SCG3: variants seen among roughly 807,000 people sequenced by gnomAD.
The protein encoded by SCG3 is secretogranin-3.
Under a neutral mutation model 56.2 loss-of-function variants are expected in SCG3, and 38 were observed. The observed-to-expected ratio is 0.68, with a 90% CI of 0.52 to 0.89. The LOEUF (loss-of-function observed/expected upper bound fraction) is 0.89. Ranked by LOEUF, SCG3 falls within the 40% of genes least tolerant of loss-of-function variation. The pLI, the probability that SCG3 is intolerant of heterozygous loss-of-function variation, is 0.00. For synonymous variants in SCG3, 176 were observed against 184.2 expected (o/e 0.96, Z 0.36); for missense variants, 524 against 540.7 (o/e 0.97, Z 0.31).
At chr15:51,703,271 G>A (rs377699435) in intron 10 of SCG3, among the ~76,000 whole-genome samples, 1 of 152,144 alleles carries the variant, frequency 6.6e-6, no homozygotes, top group East Asian at 1.9e-4. Flanking sequence ...ATAGAAGCAG[G>A]TTCCTATTCA....
At chr15:51,683,523 A>G (rs2055209367) in intron 4 of SCG3, 89 bp downstream of exon 4, 1 of 834,510 alleles carries the variant, frequency 1.2e-6, no homozygotes, top group Non-Finnish European at 1.8e-6. Context: ...TATCTTTTAA[A>G]CATTCATAAT....
At chr15:51,717,006 A>G (rs1329563914) in intron 11 of SCG3, among the ~76,000 whole-genome samples, 1 of 152,006 alleles carries the variant, frequency 6.6e-6, no homozygotes, top group Non-Finnish European at 1.5e-5. Flanking sequence ...TGGGAGGATC[A>G]CTTGAGGCCA....
At chr15:51,713,119 G>T in intron 10 of SCG3, 1 of 356,222 alleles carries the variant, frequency 2.8e-6, no homozygotes, top group Admixed American at 5.3e-5. Context: ...TCTTCCTCCT[G>T]GAACCTCATC....
rs766535168 is a variant in SCG3, at chr15:51,683,132, G to T, written c.181+8G>T. On this transcript the variant is annotated splice_region_variant and intron_variant, in intron 3 of 11. Transcript: ENST00000220478. The stretch of plus-strand genomic sequence containing the variant: ...AAAAAACATATCCTCCAGGTAAAAA[G>T]AAATCATATTGATGTTAATTTAAAT... The T allele has an allele frequency of 1.2e-6, 2 of 1,607,220 alleles. No individual in the cohort carries two copies. The highest frequency in any genetic ancestry group is 3.3e-4 in the Middle Eastern group (2 of 6,024).
intron 10 of SCG3, among the ~76,000 whole-genome samples, chr15:51,704,797 A>ATATATATATATATC (rs1226001289): frequency 7.2e-6 from 1 of 139,372 alleles, no homozygotes; most frequent in Non-Finnish European, 1.6e-5. Context: ...ATATATATAC[A>ATATATATATATATC]TCTCTCTTTG....
chr15:51,713,469 G>A (rs2055433954), intron 11 of SCG3, 56 bp downstream of exon 11: 28 of 1,203,536 alleles, frequency 2.3e-5, no homozygotes, highest in African/African-American at 4.7e-5. Context: ...AGGGGCTCTT[G>A]TTATATAAAA....
In SCG3 at chr15:51,719,866, G is replaced by A. The variant is rs79640406; in HGVS notation, c.*340G>A. ...TGTCTCATCCACATAAGCACTCCCC[G>A]AAGAATTAAGGGGGTTCTGTTTTCA... On this transcript the variant is annotated 3_prime_UTR_variant, in exon 12 of 12. Transcript: ENST00000220478. The A allele has an allele frequency of 0.01, 1,980 of 195,868 alleles. 44 individuals carry two copies. The highest frequency in any genetic ancestry group is 0.044 in the African/African-American group (1,898 of 42,950). The allele number at this position is 195,868 out of a possible 1,614,324, so 12.1% of individuals were successfully genotyped here.
At chr15:51,684,692 C>T (rs977376879) in intron 4 of SCG3, among the ~76,000 whole-genome samples, 2 of 152,226 alleles carry the variant, frequency 1.3e-5, no homozygotes. Flanking sequence ...CTGATAGAAA[C>T]CTTGTTCTTG....
intron 10 of SCG3, among the ~76,000 whole-genome samples, chr15:51,706,291 A>G (rs1306377349): frequency 6.6e-6 from 1 of 152,204 alleles, no homozygotes; most frequent in Non-Finnish European, 1.5e-5. Flanking sequence ...GGAAGCAGCT[A>G]CAGAAGGAAT....
At chr15:51,701,008 G>C (rs1195537277) in intron 9 of SCG3, 99 bp from the exon 10 acceptor site, 50 of 1,473,424 alleles carry the variant, frequency 3.4e-5, no homozygotes, top group African/African-American at 1.4e-5. Context: ...TATGATCTGA[G>C]CTCAAACTGT....
intron 7 of SCG3, chr15:51,693,329 T>G (rs2055280660): frequency 6.6e-6 from 1 of 152,246 alleles, no homozygotes; most frequent in Admixed American, 6.5e-5. Flanking sequence ...TATGAACAGT[T>G]TCAGTTTCAG....
At position 51,689,131 on chromosome 15, in the gene SCG3, C is replaced by T. The variant is rs960144847; in HGVS notation, c.541-88C>T. On this transcript the variant is annotated intron_variant, in intron 5 of 11. Transcript: ENST00000220478. The stretch of plus-strand genomic sequence containing the variant: ...TCAGAAGATTCCTCTTTAAAAAATA[C>T]ATGTTTGACTACAGTTTAGTCCACA... The T allele has an allele frequency of 4.4e-6, 6 of 1,352,594 alleles. No homozygotes were observed. The South Asian group carries it at 8.2e-5, about 18-fold the overall frequency. The allele number at this position is 1,352,594 out of a possible 1,614,324, so 83.8% of individuals were successfully genotyped here. A position where few individuals can be genotyped will look rare whatever the true frequency, so the allele number is the denominator to read the frequency against.
At chr15:51,707,128 T>A (rs2055381353) in intron 10 of SCG3, among the ~76,000 whole-genome samples, 1 of 152,224 alleles carries the variant, frequency 6.6e-6, no homozygotes, top group Non-Finnish European at 1.5e-5. Context: ...TCTTTTTTTT[T>A]AATCATCCAA....
In SCG3 at chr15:51,720,026, T is replaced by C. The variant is rs1259003361; in HGVS notation, c.*500T>C. 1 of 152,472 alleles carries C rather than the reference T, an allele frequency of 6.6e-6. No homozygotes were observed. Among genetic ancestry groups the C allele is most frequent in the East Asian group, 1.9e-4 (1 of 5,202 alleles). 9.4% of individuals were successfully genotyped at this position (152,472 alleles called of 1,614,324 possible). A position where few individuals can be genotyped will look rare whatever the true frequency, so the allele number is the denominator to read the frequency against. ...TCATAGCTTTGGAGGAGCCATCTGC[T>C]TTTTTGGCTGCTCTTTTTAGCTGGC... is the stretch of plus-strand genomic sequence containing the variant. On this transcript the variant is annotated 3_prime_UTR_variant, in exon 12 of 12. Transcript: ENST00000220478.
intron 9 of SCG3, among the ~76,000 whole-genome samples, chr15:51,700,801 G>T (rs1382701425): frequency 1.3e-5 from 2 of 148,812 alleles, no homozygotes; most frequent in East Asian, 2.0e-4. Flanking sequence ...TAATGGCAAG[G>T]TGTGGCAGAA....
intron 4 of SCG3, among the ~76,000 whole-genome samples, chr15:51,687,281 T>C (rs559051759): frequency 6.6e-6 from 1 of 152,330 alleles, no homozygotes; most frequent in South Asian, 2.1e-4. Flanking sequence ...TCCAAGGATA[T>C]AGCTAACCAG....
At chr15:51,700,102 T>G (rs1171115143) in intron 9 of SCG3, among the ~76,000 whole-genome samples, 2 of 152,226 alleles carry the variant, frequency 1.3e-5, no homozygotes, top group Admixed American at 6.5e-5. Flanking sequence ...TACATATTCT[T>G]GATGGCATAG....
Position 51,683,378 on chromosome 15 carries a change from G to A in SCG3, c.341G>A (p.Arg114Gln), listed in dbSNP as rs549211117. ...GAAGATGTTGATTCAACCAAGAATC[G>A]AAAACTGATCGATGATTATGACTCT... ...NVEDVDSTKN[R>Q]KLIDDYDSTK... Residue 114 changes from arginine (R) to glutamine (Q), a missense_variant, in exon 4 of 12, where the codon CGA becomes CAA. Arg to Gln is a conservative substitution (Grantham distance 43, BLOSUM62 1). Transcript: ENST00000220478. 37 of 1,613,656 alleles carry A rather than the reference G, an allele frequency of 2.3e-5. No homozygotes were observed. In the African/African-American group the frequency reaches 2.5e-4, roughly 11 times the overall value.
rs1595825386 is a variant in SCG3 at position 51,681,566 on chromosome 15, G to T, written c.-190G>T. 60 of 582,644 alleles carry T rather than the reference G, an allele frequency of 1.0e-4. No homozygotes were observed. In the East Asian group the frequency reaches 1.7e-3, roughly 16 times the overall value. The allele number at this position is 582,644 out of a possible 1,614,324, so 36.1% of individuals were successfully genotyped here. A position where few individuals can be genotyped will look rare whatever the true frequency, so the allele number is the denominator to read the frequency against. ...CTCTACCTGGAGACTTGACTCCCGC[G>T]CGCCCCAACCCTGCTTATCCCTTGA... On this transcript the variant is annotated 5_prime_UTR_variant, in exon 1 of 12. Coordinates refer to ENST00000220478, the MANE Select transcript of SCG3 (RefSeq NM_013243.4).
Sources: gnomAD v4.1 joint callset for allele counts (sites outside exome capture counted in the v4.1 genomes callset) on GRCh38, gnomAD v4.1.1 for gene constraint, MANE v1.5 for transcripts, NCBI Gene and HGNC (gene_info 2026-07-23, HGNC 2026-07-21) for gene names.